SCN7A: variants seen among roughly 807,000 people sequenced by gnomAD.
The protein encoded by SCN7A is sodium channel protein type 7 subunit alpha.
Under a neutral mutation model 155.2 loss-of-function variants are expected in SCN7A, and 138 were observed. That is an observed-to-expected ratio of 0.89 (90% CI 0.77 to 1.02). The LOEUF is 1.02. SCN7A is among the 50% of genes least tolerant of loss of function. SCN7A has a pLI of 0.00. For synonymous variants in SCN7A, 693 were observed against 649.0 expected (o/e 1.07, Z -1.03); for missense variants, 2,058 against 1,986.6 (o/e 1.04, Z -0.68).
intron 23 of SCN7A, 115 bp downstream of exon 23, chr2:166,412,415 T>C: frequency 8.7e-7 from 1 of 1,145,346 alleles, no homozygotes; most frequent in Non-Finnish European, 1.1e-6. Flanking sequence ...ACATGTCAAA[T>C]AAAAATGACA....
intron 18 of SCN7A, 119 bp downstream of exon 18, chr2:166,427,669 T>C (rs919333777): frequency 1.4e-6 from 1 of 726,618 alleles, no homozygotes; most frequent in East Asian, 2.9e-5. Context: ...AATTTGGTGC[T>C]ATTTGGTGCT....
chr2:166,454,043 A>G (rs1453330936), intron 11 of SCN7A, among the ~76,000 whole-genome samples: 1 of 152,170 alleles, frequency 6.6e-6, no homozygotes, highest in Admixed American at 6.6e-5. Context: ...CAGAAAAATG[A>G]GTGGAAATAT....
intron 3 of SCN7A, among the ~76,000 whole-genome samples, chr2:166,474,670 G>A (rs546311428): frequency 2.6e-5 from 4 of 151,638 alleles, no homozygotes; most frequent in East Asian, 1.9e-4. Flanking sequence ...AATGGCTCAC[G>A]AAGATCCATT....
rs563558199 is a variant in SCN7A at position 166,421,400 on chromosome 2, G to A, written c.3028-103C>T. The A allele has an allele frequency of 2.9e-5, 15 of 520,174 alleles. No individual in the cohort carries two copies. In the South Asian group the frequency reaches 7.1e-4, roughly 25 times the overall value. The allele number at this position is 520,174 out of a possible 1,614,324, so 32.2% of individuals were successfully genotyped here. A position where few individuals can be genotyped will look rare whatever the true frequency, so the allele number is the denominator to read the frequency against. ...ATTACAACAGATATATACAATAAAA[G>A]CTTACCAGTAAATTCGTGAATTATT... On this transcript the variant is annotated intron_variant, in intron 19 of 25. Coordinates refer to ENST00000643258, the MANE Select transcript of SCN7A (RefSeq NM_002976.4).
At chr2:166,449,596 T>C (rs2105450003) in intron 11 of SCN7A, among the ~76,000 whole-genome samples, 1 of 152,242 alleles carries the variant, frequency 6.6e-6, no homozygotes, top group East Asian at 1.9e-4. Context: ...TCTGCAGGTC[T>C]ACAGAGCTCC....
At chr2:166,414,808 G>GTAGGATATATAATATATAA (rs1485357299) in intron 21 of SCN7A, 3 of 130,316 alleles carry the variant, frequency 2.3e-5, no homozygotes, top group African/African-American at 8.9e-5. Flanking sequence ...ATAATATATA[G>GTAGGATATATAATATATAA]TAGGATATAT....
chr2:166,425,060 T>C (rs1285368335), intron 18 of SCN7A, among the ~76,000 whole-genome samples: 1 of 152,214 alleles, frequency 6.6e-6, no homozygotes, highest in South Asian at 2.1e-4. Flanking sequence ...CTGAGTGGAA[T>C]AGAGATATAA....
intron 11 of SCN7A, among the ~76,000 whole-genome samples, chr2:166,450,323 G>A (rs1702149701): frequency 6.6e-6 from 1 of 152,118 alleles, no homozygotes; most frequent in African/African-American, 2.4e-5. Context: ...CTACTAGAGG[G>A]GGAAGGCTTG....
intron 18 of SCN7A, among the ~76,000 whole-genome samples, chr2:166,426,514 T>A (rs1014814714): frequency 3.9e-5 from 6 of 152,088 alleles, no homozygotes; most frequent in African/African-American, 1.2e-4. Context: ...ACCAGTCAAC[T>A]AGTAAGAAAG....
chr2:166,491,808 T>C (rs950695917), intron 1 of SCN7A, among the ~76,000 whole-genome samples: 3 of 151,882 alleles, frequency 2.0e-5, no homozygotes, highest in Admixed American at 6.6e-5. Flanking sequence ...CTGAAAATGG[T>C]TAGTGGAAAT....
chr2:166,417,656 A>G (rs1207458934), intron 20 of SCN7A, among the ~76,000 whole-genome samples: 3 of 151,314 alleles, frequency 2.0e-5, no homozygotes, highest in Non-Finnish European at 2.9e-5. Flanking sequence ...ATCATTCAAG[A>G]TAACTGAACC....
chr2:166,423,801 G>A (rs2105395248), intron 18 of SCN7A, among the ~76,000 whole-genome samples: 1 of 152,100 alleles, frequency 6.6e-6, no homozygotes, highest in Non-Finnish European at 1.5e-5. Context: ...GTAATTCCAG[G>A]TAGCCAACTC....
intron 21 of SCN7A, among the ~76,000 whole-genome samples, chr2:166,416,139 G>C (rs1286519925): frequency 2.0e-5 from 3 of 152,014 alleles, no homozygotes; most frequent in Admixed American, 1.3e-4. Context: ...ACTAGGATTG[G>C]GAAACTCCAT....
chr2:166,441,734 C>T lies in SCN7A; in HGVS notation c.1819G>A (p.Gly607Arg), dbSNP rs1260821057. 6.3e-7 allele frequency: 1 copy of T among 1,599,828 alleles called. No homozygotes were observed. The highest frequency in any genetic ancestry group is 2.2e-5 in the East Asian group (1 of 44,778). ...ATCTGGAATGTTGGCCAATACTTTC[C>T]CAACTTGAAAATTCTTAACTAATAG... ...LFRMLRIFKL[G>R]KYWPTFQILM... The change falls in exon 15 of 26, where the codon GGA becomes AGA. Residue 607 changes from glycine (G) to arginine (R), a missense_variant. By Grantham distance (125) the Gly-to-Arg change is moderately radical. Coordinates refer to ENST00000643258, the MANE Select transcript of SCN7A (RefSeq NM_002976.4).
At chr2:166,420,075 GTACTT>G (rs1349234626) in intron 20 of SCN7A, among the ~76,000 whole-genome samples, 2 of 151,864 alleles carry the variant, frequency 1.3e-5, no homozygotes, top group African/African-American at 4.8e-5. Context: ...ATGTACTTAA[GTACTT>G]TACACAATCA....
At chr2:166,432,073 T>C (rs944680001) in intron 16 of SCN7A, among the ~76,000 whole-genome samples, 13 of 152,080 alleles carry the variant, frequency 8.5e-5, no homozygotes. Flanking sequence ...CTATGCACTA[T>C]TACCTCCCCC....
chr2:166,471,693 T>G (rs1702658818), intron 6 of SCN7A, among the ~76,000 whole-genome samples: 1 of 146,314 alleles, frequency 6.8e-6, no homozygotes, highest in African/African-American at 2.5e-5. Flanking sequence ...GACATGAAAT[T>G]GTTAGAATTG....
At chr2:166,422,510 C>G (rs1434210744) in intron 19 of SCN7A, among the ~76,000 whole-genome samples, 1 of 151,968 alleles carries the variant, frequency 6.6e-6, no homozygotes, top group Non-Finnish European at 1.5e-5. Context: ...CAATGCCAGC[C>G]AAGGTTCCAG....
rs1157957526 is a variant in SCN7A, at chr2:166,444,824, GA to G, written c.1563del (p.Leu522Ter). 6 of 1,610,150 alleles carry G rather than the reference GA, an allele frequency of 3.7e-6. No homozygotes were observed. In the Admixed American group the frequency reaches 1.0e-4, roughly 27 times the overall value. ...CTCATTGGATAATGCTCCAAGGTCA[GA>G]AAACATACGTTTAAAATTATGCATA... is the stretch of plus-strand genomic sequence containing the variant. ...LIICIILNVCFLTLEHYPMSK... is the reference protein window; with the variant it reads ...LIICIILNVCXLTLEHYPMSK... On this transcript the variant is annotated frameshift_variant, in exon 13 of 26. Coordinates refer to ENST00000643258, the MANE Select transcript of SCN7A (RefSeq NM_002976.4). LOFTEE classifies it high-confidence loss of function.
Sources: allele counts gnomAD v4.1 joint callset (sites outside exome capture counted in the v4.1 genomes callset), GRCh38; gene constraint gnomAD v4.1.1; transcripts MANE v1.5; gene names NCBI Gene and HGNC (gene_info 2026-07-23, HGNC 2026-07-21).